Variants in RFX3 observed in about 807,000 individuals in gnomAD.
RFX3 encodes regulatory factor X3.
A neutral mutation model predicts 98.6 loss-of-function variants in RFX3; 14 were observed. That is an observed-to-expected ratio of 0.14 (90% CI 0.09 to 0.22). The LOEUF is 0.22. Among genes scored for constraint, RFX3 ranks in the 10% least tolerant of loss-of-function variants. The pLI is 1.00. For missense variants in RFX3, 639 were observed against 926.9 expected (o/e 0.69, Z 4.03); for synonymous variants, 383 against 328.4 (o/e 1.17, Z -1.80).
At chr9:3,225,555 G>A (rs1269009310) in intron 16 of RFX3, among the ~76,000 whole-genome samples, 1 of 151,948 alleles carries the variant, frequency 6.6e-6, no homozygotes, top group Non-Finnish European at 1.5e-5. Context: ...AAAGGCCTTT[G>A]GAATTTCCCT....
chr9:3,387,837 T>C (rs74746957), intron 2 of RFX3, among the ~76,000 whole-genome samples: 2,161 of 152,174 alleles, frequency 0.014, 28 homozygotes, highest in East Asian at 0.03. Context: ...ATGAAAAGAA[T>C]TCTATTCATG....
intron 2 of RFX3, among the ~76,000 whole-genome samples, chr9:3,366,706 CTTTCTTTCTT>C (rs201214293): frequency 1.1e-5 from 1 of 88,716 alleles, no homozygotes; most frequent in African/African-American, 4.4e-5. Flanking sequence ...TTCTTTCTTT[CTTTCTTTCTT>C]TCTTTCTTTC....
At chr9:3,505,198 ATT>A (rs1405630471) in intron 1 of RFX3, among the ~76,000 whole-genome samples, 1 of 95,818 alleles carries the variant, frequency 1.0e-5, no homozygotes, top group Non-Finnish European at 1.8e-5. Flanking sequence ...ATGAATATAT[ATT>A]TATATATATA....
Position 3,221,221 on chromosome 9 carries a change from A to C in RFX3, c.*3821T>G, listed in dbSNP as rs1817326181. On this transcript the variant is annotated 3_prime_UTR_variant, in exon 17 of 17. Coordinates refer to ENST00000617270, the MANE Select transcript of RFX3 (RefSeq NM_001282116.2). ...CCTTTTACACTAATGTTTCAAGCAC[A>C]GCATTATTTTAGACATTTCAAATAT... 6.6e-6 allele frequency: 1 copy of C among 152,120 alleles called. No individual in the cohort carries two copies. The highest frequency in any genetic ancestry group is 1.5e-5 in the Non-Finnish European group (1 of 68,006). The allele number at this position is 152,120 out of a possible 1,614,324, so 9.4% of individuals were successfully genotyped here.
chr9:3,517,779 T>G (rs1295107983), intron 1 of RFX3, among the ~76,000 whole-genome samples: 1 of 152,196 alleles, frequency 6.6e-6, no homozygotes, highest in Non-Finnish European at 1.5e-5. Flanking sequence ...ATTACATAGT[T>G]AGTGGAACAA....
chr9:3,324,586 TAAA>T (rs75741380), intron 4 of RFX3, among the ~76,000 whole-genome samples: 4 of 135,048 alleles, frequency 3.0e-5, no homozygotes. Flanking sequence ...ACCATTTGTG[TAAA>T]AAAAAAAAAA....
At chr9:3,387,565 G>C (rs1056148097) in intron 2 of RFX3, among the ~76,000 whole-genome samples, 1 of 151,430 alleles carries the variant, frequency 6.6e-6, no homozygotes, top group Non-Finnish European at 1.5e-5. Flanking sequence ...CTTTATACTG[G>C]ATACCAATAT....
chr9:3,518,622 C>T (rs1818409250), intron 1 of RFX3, among the ~76,000 whole-genome samples: 1 of 152,128 alleles, frequency 6.6e-6, no homozygotes. Context: ...AAAAGTATTT[C>T]ATTCTGATGA....
At chr9:3,338,085 G>C (rs182647597) in intron 3 of RFX3, among the ~76,000 whole-genome samples, 3 of 152,244 alleles carry the variant, frequency 2.0e-5, no homozygotes, top group Admixed American at 2.0e-4. Context: ...TGTCTATTTT[G>C]TGGAAGACAC....
chr9:3,421,060 A>G (rs1843402149), intron 1 of RFX3: 3 of 315,158 alleles, frequency 9.5e-6, no homozygotes, highest in African/African-American at 2.3e-5. Context: ...AATAATCAAT[A>G]CAGTATCTCC....
chr9:3,470,636 A>G (rs1848697992), intron 1 of RFX3, among the ~76,000 whole-genome samples: 2 of 152,062 alleles, frequency 1.3e-5, no homozygotes, highest in South Asian at 2.1e-4. Context: ...CCAAAGCCCA[A>G]ATTCTTTTCA....
intron 12 of RFX3, among the ~76,000 whole-genome samples, chr9:3,264,127 C>T (rs1050493954): frequency 1.5e-4 from 23 of 151,812 alleles, no homozygotes; most frequent in Non-Finnish European, 2.4e-4. Context: ...TCTGTTTATC[C>T]CCACCGTTGG....
intron 2 of RFX3, among the ~76,000 whole-genome samples, chr9:3,389,875 T>C (rs1185626524): frequency 6.6e-6 from 1 of 152,162 alleles, no homozygotes; most frequent in East Asian, 1.9e-4. Flanking sequence ...AGGTAAGTAA[T>C]ATTCGCCCTG....
At chr9:3,369,852 C>G (rs1274564737) in intron 2 of RFX3, among the ~76,000 whole-genome samples, 1 of 152,026 alleles carries the variant, frequency 6.6e-6, no homozygotes. Context: ...TTGTTTGACA[C>G]GGAGTCTTGA....
At chr9:3,427,886 G>C (rs1019171194) in intron 1 of RFX3, among the ~76,000 whole-genome samples, 1 of 152,048 alleles carries the variant, frequency 6.6e-6, no homozygotes, top group Non-Finnish European at 1.5e-5. Context: ...CACCCTTCTG[G>C]TGCCCCGCTC....
chr9:3,497,118 T>C (rs936949032), intron 1 of RFX3, among the ~76,000 whole-genome samples: 2 of 152,040 alleles, frequency 1.3e-5, no homozygotes, highest in Admixed American at 1.3e-4. Flanking sequence ...ACAGTGTTTA[T>C]GCCATACCTC....
chr9:3,375,616 T>C (rs547211212), intron 2 of RFX3, among the ~76,000 whole-genome samples: 1 of 152,226 alleles, frequency 6.6e-6, no homozygotes, highest in African/African-American at 2.4e-5. Context: ...AAGTTACAAT[T>C]TTAAAAGGTT....
At chr9:3,504,865 A>G (rs1312605681) in intron 1 of RFX3, among the ~76,000 whole-genome samples, 1 of 77,346 alleles carries the variant, frequency 1.3e-5, no homozygotes, top group South Asian at 3.9e-4. Context: ...ATGATATAAT[A>G]TATATTATAT....
chr9:3,237,737 G>A (rs1000546904), intron 15 of RFX3, among the ~76,000 whole-genome samples: 4 of 152,114 alleles, frequency 2.6e-5, no homozygotes, highest in African/African-American at 9.7e-5. Flanking sequence ...ACTCAAGCAA[G>A]GATATTATAT....
Sources: allele counts gnomAD v4.1 joint callset (sites outside exome capture counted in the v4.1 genomes callset), GRCh38; gene constraint gnomAD v4.1.1; transcripts MANE v1.5; gene names NCBI Gene and HGNC (gene_info 2026-07-23, HGNC 2026-07-21).